MALRD1: variants seen among roughly 807,000 people sequenced by gnomAD.
The protein encoded by MALRD1 is MAM and LDL-receptor class A domain-containing protein 1.
In MALRD1, 247 loss-of-function variants were observed where a neutral mutation model predicts 242.1. That is an observed-to-expected ratio of 1.02 (90% confidence interval 0.92 to 1.13). MALRD1 has a LOEUF of 1.13. MALRD1 is among the 50% of genes most tolerant of loss of function. The pLI is 0.00. For missense variants in MALRD1, 2,989 were observed against 2,533.1 expected (o/e 1.18, Z -3.86); for synonymous variants, 995 against 866.6 (o/e 1.15, Z -2.60).
chr10:19,144,829 GT>G (rs58721566), intron 10 of MALRD1, among the ~76,000 whole-genome samples: 51,601 of 151,926 alleles, frequency 0.34, 9,158 homozygotes, highest in Admixed American at 0.39. Flanking sequence ...TATGTAGAGT[GT>G]TAAGAATTAA....
At chr10:19,340,790 A>G (rs1015902577) in intron 24 of MALRD1, among the ~76,000 whole-genome samples, 4 of 152,140 alleles carry the variant, frequency 2.6e-5, no homozygotes, top group African/African-American at 9.7e-5. Context: ...TTTATGTCAT[A>G]GCAGTGCAAA....
At chr10:19,512,120 A>G (rs2131291246) in intron 31 of MALRD1, among the ~76,000 whole-genome samples, 1 of 152,232 alleles carries the variant, frequency 6.6e-6, no homozygotes, top group East Asian at 1.9e-4. Context: ...GCTCAGGGGC[A>G]GTCTTTCTCT....
At chr10:19,278,003 A>G (rs180924853) in intron 19 of MALRD1, among the ~76,000 whole-genome samples, 3 of 152,298 alleles carry the variant, frequency 2.0e-5, no homozygotes, top group African/African-American at 4.8e-5. Flanking sequence ...CAAAAAGTGC[A>G]TCTTGAAATA....
At chr10:19,213,468 G>T (rs116508944) in intron 18 of MALRD1, among the ~76,000 whole-genome samples, 4 of 152,056 alleles carry the variant, frequency 2.6e-5, no homozygotes, top group Non-Finnish European at 1.5e-5. Context: ...TCCTGACTTC[G>T]TGATCCACCT....
At chr10:19,415,560 G>A (rs1833483484) in intron 28 of MALRD1, among the ~76,000 whole-genome samples, 1 of 151,968 alleles carries the variant, frequency 6.6e-6, no homozygotes, top group African/African-American at 2.4e-5. Context: ...GATCAAGCAG[G>A]AAAGCAAGAC....
intron 33 of MALRD1, among the ~76,000 whole-genome samples, chr10:19,588,969 C>G (rs1837605196): frequency 6.6e-6 from 1 of 152,168 alleles, no homozygotes; most frequent in Admixed American, 6.5e-5. Flanking sequence ...AACCTGTTTT[C>G]TGCTGAAACC....
intron 21 of MALRD1, among the ~76,000 whole-genome samples, chr10:19,286,832 C>A (rs1841149215): frequency 6.6e-6 from 1 of 151,084 alleles, no homozygotes; most frequent in South Asian, 2.1e-4. Context: ...AGGCCAGCAT[C>A]ATTCTGATAC....
At chr10:19,502,929 T>TTAA (rs10692255) in intron 31 of MALRD1, among the ~76,000 whole-genome samples, 105,619 of 151,712 alleles carry the variant, frequency 0.7, 37,411 homozygotes, top group African/African-American at 0.83. Flanking sequence ...TTAAAGATTA[T>TTAA]TAAGAGTATT....
intron 4 of MALRD1, among the ~76,000 whole-genome samples, chr10:19,088,755 G>A (rs1274264779): frequency 1.3e-5 from 1 of 74,074 alleles, no homozygotes; most frequent in East Asian, 3.5e-4. Flanking sequence ...CCCCACCACA[G>A]TCCCCAGAGT....
chr10:19,167,090 T>C (rs1163413723), intron 13 of MALRD1, among the ~76,000 whole-genome samples: 4 of 152,146 alleles, frequency 2.6e-5, no homozygotes, highest in African/African-American at 9.7e-5. Flanking sequence ...TTGGGGGTGG[T>C]GGCTCATGCC....
chr10:19,482,690 C>T (rs1007021194), intron 29 of MALRD1, among the ~76,000 whole-genome samples: 5 of 148,306 alleles, frequency 3.4e-5, no homozygotes, highest in Admixed American at 6.7e-5. Context: ...CACACACACA[C>T]ATACACACAA....
At position 19,323,799 on chromosome 10, in the gene MALRD1, C is replaced by T. The variant is rs914880927; in HGVS notation, c.3420-150C>T. ...TATTTTTTCGTATTTTTAGTAGAGA[C>T]GGTGTTTCATCATGGTAGCCAGGCT... On this transcript the variant is annotated intron_variant, in intron 21 of 39. Coordinates refer to ENST00000454679, the MANE Select transcript of MALRD1 (RefSeq NM_001142308.3). The T allele has an allele frequency of 4.6e-5, 29 of 630,320 alleles. 1 individual carries two copies. The highest frequency in any genetic ancestry group is 2.8e-4 in the South Asian group (14 of 49,940). The allele number at this position is 630,320 out of a possible 1,614,324, so 39.0% of individuals were successfully genotyped here. A position where few individuals can be genotyped will look rare whatever the true frequency, so the allele number is the denominator to read the frequency against.
chr10:19,126,313 C>T (rs2131388216), intron 7 of MALRD1, among the ~76,000 whole-genome samples: 1 of 152,194 alleles, frequency 6.6e-6, no homozygotes, highest in Middle Eastern at 3.4e-3. Context: ...TTCTCTCTTA[C>T]TCCCTCTAAT....
intron 28 of MALRD1, among the ~76,000 whole-genome samples, chr10:19,426,440 A>G (rs1055179132): frequency 2.0e-5 from 3 of 152,162 alleles, no homozygotes; most frequent in Non-Finnish European, 4.4e-5. Context: ...AGCACTTATG[A>G]AAGACATCAC....
chr10:19,512,319 G>T (rs1396857160), intron 31 of MALRD1, among the ~76,000 whole-genome samples: 1 of 152,138 alleles, frequency 6.6e-6, no homozygotes, highest in Non-Finnish European at 1.5e-5. Flanking sequence ...ATGGGCAAAG[G>T]CCTCAGTGAC....
At chr10:19,503,683 T>C (rs1838075253) in intron 31 of MALRD1, among the ~76,000 whole-genome samples, 1 of 152,206 alleles carries the variant, frequency 6.6e-6, no homozygotes. Context: ...ATCTCCACAA[T>C]TAGACTATCA....
chr10:19,050,891 C>T (rs1249561894), intron 1 of MALRD1, among the ~76,000 whole-genome samples: 2 of 152,062 alleles, frequency 1.3e-5, no homozygotes, highest in Admixed American at 6.5e-5. Context: ...AAAAGGTTAA[C>T]GTGAAGAAAT....
intron 7 of MALRD1, among the ~76,000 whole-genome samples, chr10:19,125,230 G>A (rs1837215464): frequency 6.6e-6 from 1 of 151,980 alleles, no homozygotes; most frequent in African/African-American, 2.4e-5. Context: ...ACAGGTTTGA[G>A]CCATCATGCC....
At chr10:19,395,560 G>C (rs1846537741) in intron 28 of MALRD1, among the ~76,000 whole-genome samples, 1 of 152,132 alleles carries the variant, frequency 6.6e-6, no homozygotes, top group Non-Finnish European at 1.5e-5. Context: ...GATAGAATGG[G>C]AGGCAGGTTT....
Sources: gnomAD v4.1 joint callset for allele counts (sites outside exome capture counted in the v4.1 genomes callset) on GRCh38, gnomAD v4.1.1 for gene constraint, MANE v1.5 for transcripts, NCBI Gene and HGNC (gene_info 2026-07-23, HGNC 2026-07-21) for gene names.